The following UBR4 variants were observed in gnomAD, a reference collection of about 807,000 sequenced individuals.
UBR4 encodes the protein E3 ubiquitin-protein ligase UBR4.
UBR4 carries 124 observed loss-of-function variants against 575.6 expected under a neutral mutation model. The ratio of observed to expected loss-of-function variants is 0.22; its 90% CI spans 0.19 to 0.25. The LOEUF is 0.25. Ranked by LOEUF, UBR4 falls within the 10% of genes least tolerant of loss-of-function variation. The probability of loss-of-function intolerance (pLI) is 1.00; values close to 1 mark genes in which losing one functional copy is unlikely to be tolerated. For missense variants in UBR4, 4,818 were observed against 6,478.8 expected (o/e 0.74, Z 8.80); for synonymous variants, 2,455 against 2,473.7 (o/e 0.99, Z 0.22).
In UBR4 at chr1:19,093,561, AC is replaced by A; in HGVS notation, c.13938-76del. The A allele has an allele frequency of 6.7e-7, 1 of 1,497,610 alleles. No individual in the cohort carries two copies. Among genetic ancestry groups the A allele is most frequent in the Middle Eastern group, 2.0e-4 (1 of 4,910 alleles). The allele number at this position is 1,497,610 out of a possible 1,614,324, so 92.8% of individuals were successfully genotyped here. On this transcript the variant is annotated intron_variant, in intron 95 of 105. Coordinates refer to ENST00000375254, the MANE Select transcript of UBR4 (RefSeq NM_020765.3). The surrounding 1 kb of genome is among the most constrained non-coding windows in gnomAD (Gnocchi z 4.8). ...AGTCATGTCACCCTCTTGGTTAACA[AC>A]TGTCAACAGCCTATAGAAGATCAAG...
chr1:19,205,843 A>G (rs2092978966), intron 1 of UBR4, among the ~76,000 whole-genome samples: 1 of 152,216 alleles, frequency 6.6e-6, no homozygotes, highest in Admixed American at 6.5e-5. Context: ...ATCTGGAAAC[A>G]GAAACCTCGA....
intron 29 of UBR4, among the ~76,000 whole-genome samples, chr1:19,166,227 G>C (rs1189632409): frequency 6.6e-6 from 1 of 152,202 alleles, no homozygotes; most frequent in Non-Finnish European, 1.5e-5. Flanking sequence ...TCTCCGTGGG[G>C]TGAAAGTGAA....
chr1:19,176,209 A>ACCAGAGTT (rs1420880463), intron 20 of UBR4, among the ~76,000 whole-genome samples: 2 of 151,820 alleles, frequency 1.3e-5, no homozygotes, highest in Non-Finnish European at 2.9e-5. Context: ...TGCCTCAGCC[A>ACCAGAGTT]CCAGAGTAGC....
chr1:19,123,658 A>T (rs780244652), intron 65 of UBR4, among the ~76,000 whole-genome samples: 29 of 152,284 alleles, frequency 1.9e-4, no homozygotes, highest in Non-Finnish European at 2.2e-4. Context: ...ACTCCACTTC[A>T]GCCCACCCAA....
Position 19,105,803 on chromosome 1 carries a change from C to T in UBR4, c.12433G>A (p.Ala4145Thr). Residue 4145 changes from alanine to threonine, a missense_variant, in exon 84 of 106, where the codon GCC (alanine) becomes ACC (threonine). This residue lies in a region of UBR4 where 178 missense variants were observed against 175.5 expected (regional missense o/e 1.01). Coordinates refer to ENST00000375254, the MANE Select transcript of UBR4 (RefSeq NM_020765.3). ...GCTAGAGCTTCCACAATGGTACAGG[C>T]TGCCTGCCGTGCGGCCTGCGTTGCT... ...TPATQAARQA[A>T]CTIVEALATI... 2 of 1,610,482 alleles carry T rather than the reference C, an allele frequency of 1.2e-6. No individual in the cohort carries two copies. The highest frequency in any genetic ancestry group is 1.7e-6 in the Non-Finnish European group (2 of 1,179,024).
At chr1:19,142,083 G>T (rs555969694) in intron 55 of UBR4, among the ~76,000 whole-genome samples, 343 of 152,324 alleles carry the variant, frequency 2.3e-3, no homozygotes, top group African/African-American at 6.8e-3. Context: ...AAACCAGTAG[G>T]CCTCCCAAAC....
At chr1:19,146,617 T>A (rs1000890422) in intron 52 of UBR4, among the ~76,000 whole-genome samples, 20 of 152,192 alleles carry the variant, frequency 1.3e-4, no homozygotes, top group Non-Finnish European at 1.9e-4. Context: ...AACTCAAGGA[T>A]AATCGAAAGT....
chr1:19,107,696 G>T (rs1403187643), intron 81 of UBR4, among the ~76,000 whole-genome samples: 1 of 151,860 alleles, frequency 6.6e-6, no homozygotes, highest in African/African-American at 2.4e-5. Flanking sequence ...GAGGCAGGAG[G>T]ATTGCTTGCA....
chr1:19,149,894 C>G (rs1011636930), intron 49 of UBR4: 6 of 951,744 alleles, frequency 6.3e-6, no homozygotes, highest in Non-Finnish European at 8.5e-6. Flanking sequence ...GATAGGGCAT[C>G]GGGGAAAAAG....
At chr1:19,178,983 A>T in intron 18 of UBR4, 68 bp downstream of exon 18, 1 of 1,569,704 alleles carries the variant, frequency 6.4e-7, no homozygotes, top group African/African-American at 1.4e-5. Context: ...CAGATTAACT[A>T]CAAAGAAGTC....
chr1:19,113,350 C>T (rs376895220), intron 77 of UBR4: 152 of 311,872 alleles, frequency 4.9e-4, no homozygotes, highest in African/African-American at 2.4e-3. Flanking sequence ...CCTGCAAACA[C>T]GGCGTTATCA....
chr1:19,092,197 C>T (rs1461639097), intron 97 of UBR4, among the ~76,000 whole-genome samples: 2 of 152,124 alleles, frequency 1.3e-5, no homozygotes, highest in African/African-American at 4.8e-5. Context: ...ATGTCTATAT[C>T]CTGGTTGTGG....
chr1:19,146,686 A>G, intron 52 of UBR4, 140 bp downstream of exon 52: 5 of 1,123,734 alleles, frequency 4.4e-6, no homozygotes, highest in Non-Finnish European at 6.4e-6. Flanking sequence ...AAAAGGCCCT[A>G]CAAGGTATAA....
Position 19,110,908 on chromosome 1 carries a change from G to A in UBR4, c.11802-76C>T. 6.9e-7 allele frequency: 1 copy of A among 1,447,202 alleles called. No homozygotes were observed. Among genetic ancestry groups the A allele is most frequent in the Non-Finnish European group, 9.5e-7 (1 of 1,057,746 alleles). 89.6% of individuals were successfully genotyped at this position (1,447,202 alleles called of 1,614,324 possible). The stretch of plus-strand genomic sequence containing the variant: ...ACTCCTTTCCACCTGAAGGGGCCCA[G>A]GGAAAATGAAATCAATGTCTAAGGC... On this transcript the variant is annotated intron_variant, in intron 78 of 105. Coordinates refer to ENST00000375254, the MANE Select transcript of UBR4 (RefSeq NM_020765.3). The surrounding 1 kb of genome is among the most constrained non-coding windows in gnomAD (Gnocchi z 4.5).
chr1:19,146,902 T>C lies in UBR4; in HGVS notation c.7728A>G (p.Thr2576=), dbSNP rs1283396071. Residue 2576 remains threonine, a synonymous_variant, in exon 52 of 106, where the codon ACA becomes ACG. Transcript: ENST00000375254. ...DPEVFQRLVI[T]ARSIAIMRPN... is the part of the protein sequence containing the mutation. ...GGCGCATGATGGCAATGGAGCGAGC[T>C]GTGATCACTAGCCTCTGGAACACCT... The C allele has an allele frequency of 6.2e-7, 1 of 1,614,214 alleles. No homozygotes were observed. Among genetic ancestry groups the C allele is most frequent in the Non-Finnish European group, 8.5e-7 (1 of 1,180,012 alleles).
chr1:19,189,375 C>T (rs1030757344), intron 11 of UBR4, among the ~76,000 whole-genome samples: 6 of 152,156 alleles, frequency 3.9e-5, no homozygotes, highest in African/African-American at 1.4e-4. Context: ...GTTTATATTT[C>T]AGGAAGTTAT....
intron 33 of UBR4, 39 bp downstream of exon 33, chr1:19,164,214 T>G: frequency 6.3e-7 from 1 of 1,582,780 alleles, no homozygotes; most frequent in African/African-American, 1.4e-5. Context: ...CTTCTCAAGA[T>G]CAATGTTGTA....
intron 17 of UBR4, among the ~76,000 whole-genome samples, chr1:19,183,095 T>A (rs370804810): frequency 6.6e-6 from 1 of 152,208 alleles, no homozygotes; most frequent in African/African-American, 2.4e-5. Context: ...CTATCTCCTA[T>A]AATTTGATTG....
chr1:19,154,253 C>T (rs941396638), intron 44 of UBR4, among the ~76,000 whole-genome samples: 1 of 152,186 alleles, frequency 6.6e-6, no homozygotes, highest in African/African-American at 2.4e-5. Context: ...GCTAATGACC[C>T]ATTGTCCTAT....
Sources: allele counts gnomAD v4.1 joint callset (sites outside exome capture counted in the v4.1 genomes callset), GRCh38; gene constraint gnomAD v4.1.1; regional missense constraint gnomAD v4.1.1; non-coding constraint Gnocchi (gnomAD v3.1); transcripts MANE v1.5; gene names NCBI Gene and HGNC (gene_info 2026-07-23, HGNC 2026-07-21).